KLF12: variants seen among roughly 807,000 people sequenced by gnomAD.
KLF12 encodes the protein Krueppel-like factor 12.
KLF12 carries 9 observed loss-of-function variants against 37.8 expected under a neutral mutation model. The observed-to-expected ratio is 0.24, with a 90% CI of 0.14 to 0.42. KLF12 has a LOEUF of 0.42. Ranked by LOEUF, KLF12 falls within the 10% of genes least tolerant of loss-of-function variation. The pLI, the probability that KLF12 is intolerant of heterozygous loss-of-function variation, is 1.00. For missense variants in KLF12, 411 were observed against 516.0 expected (o/e 0.80, Z 1.97); for synonymous variants, 208 against 202.1 (o/e 1.03, Z -0.25).
intron 1 of KLF12, among the ~76,000 whole-genome samples, chr13:74,002,811 C>T (rs1275637766): frequency 6.6e-6 from 1 of 152,196 alleles, no homozygotes; most frequent in Non-Finnish European, 1.5e-5. Context: ...CATTACATGG[C>T]AAACACATTC....
chr13:74,113,280 AAAAC>A (rs761406037), intron 1 of KLF12, among the ~76,000 whole-genome samples: 3 of 152,374 alleles, frequency 2.0e-5, no homozygotes, highest in East Asian at 1.9e-4. Flanking sequence ...CTAAAAAACA[AAAAC>A]AAACAAACAG....
At chr13:73,965,909 C>T (rs1891158658) in intron 2 of KLF12, among the ~76,000 whole-genome samples, 1 of 152,080 alleles carries the variant, frequency 6.6e-6, no homozygotes, top group African/African-American at 2.4e-5. Flanking sequence ...AAGAGCAGGC[C>T]ACTCTAATAC....
the KLF12 span, among the ~76,000 whole-genome samples, chr13:74,201,411 A>T: frequency 6.6e-6 from 1 of 152,090 alleles, no homozygotes; most frequent in Non-Finnish European, 1.5e-5. Context: ...TTCCTTTCTC[A>T]TCCTGATCTT....
At chr13:73,708,183 T>C (rs982570082) in intron 7 of KLF12, among the ~76,000 whole-genome samples, 1 of 152,180 alleles carries the variant, frequency 6.6e-6, no homozygotes, top group African/African-American at 2.4e-5. Flanking sequence ...AATTCAGATA[T>C]GAATAATTCC....
chr13:74,216,589 T>C, the KLF12 span, among the ~76,000 whole-genome samples: 1 of 152,318 alleles, frequency 6.6e-6, no homozygotes, highest in South Asian at 2.1e-4. Context: ...TCTCGATTTC[T>C]AAGAGAAGTT....
At chr13:74,071,554 G>A (rs570839047) in intron 1 of KLF12, among the ~76,000 whole-genome samples, 10 of 152,002 alleles carry the variant, frequency 6.6e-5, no homozygotes, top group Admixed American at 3.3e-4. Context: ...TTAGCCGGGC[G>A]TGGTGGCAGG....
intron 1 of KLF12, among the ~76,000 whole-genome samples, chr13:74,055,654 T>C (rs1347337111): frequency 6.6e-6 from 1 of 152,172 alleles, no homozygotes; most frequent in Non-Finnish European, 1.5e-5. Flanking sequence ...ACCATGGCTC[T>C]TACCACGGAC....
intron 3 of KLF12, among the ~76,000 whole-genome samples, chr13:73,924,571 C>G (rs1889288899): frequency 6.6e-6 from 1 of 152,132 alleles, no homozygotes; most frequent in African/African-American, 2.4e-5. Context: ...CTCTTTCCAT[C>G]TCCTCCAGCC....
At chr13:74,300,203 T>TA in the KLF12 span, among the ~76,000 whole-genome samples, 1,175 of 151,974 alleles carry the variant, frequency 7.7e-3, 15 homozygotes, top group African/African-American at 0.027. Flanking sequence ...AAGAGGGCAA[T>TA]AAAAAATGCT....
chr13:73,984,548 T>G (rs188332845), intron 2 of KLF12, among the ~76,000 whole-genome samples: 4,121 of 152,198 alleles, frequency 0.027, 108 homozygotes, highest in East Asian at 0.086. Flanking sequence ...GTGGCCTTCC[T>G]CTCCTGCGCT....
intron 1 of KLF12, among the ~76,000 whole-genome samples, chr13:74,048,689 G>T (rs557639126): frequency 1.1e-4 from 16 of 152,216 alleles, no homozygotes; most frequent in African/African-American, 3.9e-4. Context: ...ATAAATAACT[G>T]ACAGAAAGGG....
At chr13:74,295,981 A>AT in the KLF12 span, among the ~76,000 whole-genome samples, 1,096 of 145,080 alleles carry the variant, frequency 7.6e-3, 14 homozygotes, top group African/African-American at 0.025. Flanking sequence ...GACCAACCAA[A>AT]TTTTTTTTTT....
intron 1 of KLF12, among the ~76,000 whole-genome samples, chr13:74,123,710 C>T (rs1456029224): frequency 6.6e-6 from 1 of 152,164 alleles, no homozygotes; most frequent in African/African-American, 2.4e-5. Flanking sequence ...ATTCACTGGG[C>T]ATTTCATATG....
the KLF12 span, among the ~76,000 whole-genome samples, chr13:74,281,665 A>G: frequency 1.3e-5 from 2 of 152,178 alleles, no homozygotes; most frequent in Non-Finnish European, 2.9e-5. Context: ...TAACATCAAA[A>G]TATGTACAAA....
intron 7 of KLF12, among the ~76,000 whole-genome samples, chr13:73,698,698 C>T (rs1680110513): frequency 1.3e-5 from 2 of 152,098 alleles, no homozygotes; most frequent in Admixed American, 6.5e-5. Context: ...CACATCATTC[C>T]GGCTGTTTTC....
intron 1 of KLF12, among the ~76,000 whole-genome samples, chr13:74,116,246 T>C (rs1481154979): frequency 6.6e-6 from 1 of 152,136 alleles, no homozygotes; most frequent in Non-Finnish European, 1.5e-5. Context: ...CAATGCCCAA[T>C]GACAGATCAC....
intron 4 of KLF12, among the ~76,000 whole-genome samples, chr13:73,826,763 T>TAC (rs59262711): frequency 0.05 from 7,450 of 149,420 alleles, 456 homozygotes; most frequent in African/African-American, 0.15. Flanking sequence ...ATATCATATC[T>TAC]ACACACACAC....
chr13:73,954,096 A>C (rs780683498), intron 2 of KLF12, among the ~76,000 whole-genome samples: 13 of 145,236 alleles, frequency 9.0e-5, no homozygotes, highest in Non-Finnish European at 1.8e-4. Flanking sequence ...CTCCTGCCTC[A>C]GTCTCCGGAG....
intron 2 of KLF12, among the ~76,000 whole-genome samples, chr13:73,962,905 C>G (rs1278113649): frequency 6.6e-6 from 1 of 152,180 alleles, no homozygotes; most frequent in Non-Finnish European, 1.5e-5. Context: ...AAGGTGCTAT[C>G]TCAAGAGTTT....
Sources: allele counts gnomAD v4.1 joint callset (sites outside exome capture counted in the v4.1 genomes callset), GRCh38; gene constraint gnomAD v4.1.1; transcripts MANE v1.5; gene names NCBI Gene and HGNC (gene_info 2026-07-23, HGNC 2026-07-21).